Variants in STON2 observed in about 807,000 individuals in gnomAD.
STON2 encodes stonin 2, also known as stonin-2.
A neutral mutation model predicts 65.7 loss-of-function variants in STON2; 29 were observed. The observed-to-expected ratio is 0.44, with a 90% CI of 0.33 to 0.60. The LOEUF is 0.60. Ranked by LOEUF, STON2 falls within the 20% of genes least tolerant of loss-of-function variation. The pLI, the probability that STON2 is intolerant of heterozygous loss-of-function variation, is 0.03. For synonymous variants in STON2, 404 were observed against 414.2 expected, an observed-to-expected ratio of 0.98 and a Z score of 0.30; for missense variants, 1,054 against 1,118.1, an observed-to-expected ratio of 0.94 and a Z score of 0.82.
chr14:81,311,307 C>G (rs961154894), intron 5 of STON2, among the ~76,000 whole-genome samples: 13 of 152,176 alleles, frequency 8.5e-5, no homozygotes, highest in African/African-American at 3.1e-4. Context: ...TTGCTCTGCT[C>G]TGCTCTGCTC....
intron 4 of STON2, chr14:81,333,214 T>C (rs190122417): frequency 1.1e-5 from 11 of 964,312 alleles, no homozygotes; most frequent in South Asian, 6.4e-5. Flanking sequence ...TGTGGTCTTG[T>C]ACATTTTTGC....
At chr14:81,356,150 T>C (rs1024758182) in intron 4 of STON2, among the ~76,000 whole-genome samples, 1 of 152,242 alleles carries the variant, frequency 6.6e-6, no homozygotes, top group African/African-American at 2.4e-5. Flanking sequence ...GGGTTTGTCA[T>C]AGATAGCTCT....
chr14:81,335,729 A>T (rs1217712508), intron 4 of STON2, among the ~76,000 whole-genome samples: 1 of 152,192 alleles, frequency 6.6e-6, no homozygotes, highest in Non-Finnish European at 1.5e-5. Flanking sequence ...TCCTGCCAAA[A>T]TCTACACTTG....
chr14:81,284,498 G>GA (rs778564701), intron 5 of STON2, among the ~76,000 whole-genome samples: 3 of 152,082 alleles, frequency 2.0e-5, no homozygotes, highest in East Asian at 3.8e-4. Flanking sequence ...GGAAATTGCA[G>GA]AAAAAATAAA....
intron 4 of STON2, among the ~76,000 whole-genome samples, chr14:81,356,925 G>C (rs1898262954): frequency 1.3e-5 from 2 of 151,972 alleles, no homozygotes; most frequent in Admixed American, 6.6e-5. Flanking sequence ...CTTGCTAGCT[G>C]TCTATCAATT....
At chr14:81,348,964 A>G (rs1035895654) in intron 4 of STON2, among the ~76,000 whole-genome samples, 2 of 152,204 alleles carry the variant, frequency 1.3e-5, no homozygotes, top group African/African-American at 4.8e-5. Context: ...GACTTTCAAC[A>G]AAGGTGTTAA....
chr14:81,416,852 C>T (rs188295566), intron 2 of STON2, among the ~76,000 whole-genome samples: 40 of 152,250 alleles, frequency 2.6e-4, no homozygotes, highest in African/African-American at 8.9e-4. Context: ...CACACAAAAC[C>T]TTTATGTTTA....
Position 81,413,280 on chromosome 14 carries a change from C to T in STON2, c.-199+13822G>A, listed in dbSNP as rs766012877. ...CACCCACCAGTGGTCCATCCAAAAA[C>T]AAGGACTGCAGCCTAAATTCCAAAT... On this transcript the variant is annotated intron_variant, in intron 2 of 8. Transcript: ENST00000553821. 17 of 1,437,174 alleles carry T rather than the reference C, an allele frequency of 1.2e-5. 2 individuals carry two copies. The Admixed American group carries it at 2.2e-4, about 19-fold the overall frequency. The allele number at this position is 1,437,174 out of a possible 1,614,324, so 89.0% of individuals were successfully genotyped here.
rs1394505201 is a variant in STON2 at position 81,278,679 on chromosome 14, G to T, written c.803C>A (p.Ala268Asp). 6.6e-7 allele frequency: 1 copy of T among 1,526,330 alleles called. No homozygotes were observed. The highest frequency in any genetic ancestry group is 8.8e-7 in the Non-Finnish European group (1 of 1,139,308). 94.5% of individuals were successfully genotyped at this position (1,526,330 alleles called of 1,614,324 possible). The change falls in exon 6 of 8, where the codon GCC (alanine) becomes GAC (aspartate). Residue 268 changes from alanine (A) to aspartate (D), a missense_variant. Physicochemically the swap from Ala to Asp is moderately radical, Grantham distance 126. Coordinates refer to ENST00000614646, the MANE Select transcript of STON2 (RefSeq NM_001394390.1). ...EVEMEAISWQ[A>D]SSPAMNGHPA... ...GTGCCCATTCATGGCTGGACTGCTG[G>T]CCTGCCAGCTGATGGCCTCCATCTC...
chr14:81,423,072 G>T (rs138806193), intron 2 of STON2, among the ~76,000 whole-genome samples: 1 of 151,918 alleles, frequency 6.6e-6, no homozygotes, highest in African/African-American at 2.4e-5. Flanking sequence ...CAGCTTTCCA[G>T]CACTTGAAAA....
chr14:81,291,165 C>A (rs1895539924), intron 5 of STON2, among the ~76,000 whole-genome samples: 1 of 152,068 alleles, frequency 6.6e-6, no homozygotes, highest in African/African-American at 2.4e-5. Context: ...GTTATGATTT[C>A]CATGAATCCA....
chr14:81,322,284 G>C (rs896956949), intron 5 of STON2, among the ~76,000 whole-genome samples: 1 of 152,198 alleles, frequency 6.6e-6, no homozygotes, highest in Non-Finnish European at 1.5e-5. Flanking sequence ...ATGTACAAAT[G>C]CCTATGAGAG....
chr14:81,425,494 T>C (rs1901921434), intron 2 of STON2, among the ~76,000 whole-genome samples: 3 of 151,936 alleles, frequency 2.0e-5, no homozygotes, highest in African/African-American at 7.3e-5. Context: ...ATCACTTGAA[T>C]TCAGGAGGCA....
At chr14:81,386,505 A>G (rs1003258) in intron 3 of STON2, among the ~76,000 whole-genome samples, 31,123 of 152,160 alleles carry the variant, frequency 0.2, 4,058 homozygotes, top group East Asian at 0.44. Context: ...TCTGGTCCCA[A>G]ATAATTAGTT....
chr14:81,280,762 G>C (rs1895079671), intron 5 of STON2, among the ~76,000 whole-genome samples: 2 of 152,190 alleles, frequency 1.3e-5, no homozygotes. Context: ...TGTAATCGCA[G>C]CACTTTGGGA....
intron 2 of STON2, among the ~76,000 whole-genome samples, chr14:81,397,233 C>T (rs1411888597): frequency 3.3e-5 from 5 of 151,944 alleles, no homozygotes; most frequent in Admixed American, 3.3e-4. Flanking sequence ...CCAACCGGTC[C>T]ATCTGCAAGT....
At position 81,266,995 on chromosome 14, in the gene STON2, C is replaced by G. The variant is rs1239422958; in HGVS notation, c.*1419G>C. On this transcript the variant is annotated 3_prime_UTR_variant, in exon 8 of 8. Transcript: ENST00000614646. Reference sequence around the variant, plus strand: ...CTATTTCTATATCCCAGTGTCAATACACATTTAGACTCCAATGATTGTTCA... The same window carrying G: ...CTATTTCTATATCCCAGTGTCAATAGACATTTAGACTCCAATGATTGTTCA... The G allele has an allele frequency of 1.0e-6, 1 of 985,246 alleles. No homozygotes were observed. The highest frequency in any genetic ancestry group is 1.2e-6 in the Non-Finnish European group (1 of 829,882). The allele number at this position is 985,246 out of a possible 1,614,324, so 61.0% of individuals were successfully genotyped here. A position where few individuals can be genotyped will look rare whatever the true frequency, so the allele number is the denominator to read the frequency against.
chr14:81,306,919 T>C lies in STON2; in HGVS notation c.742+17098A>G, dbSNP rs760471017. On this transcript the variant is annotated intron_variant, in intron 5 of 7. Coordinates refer to ENST00000614646, the MANE Select transcript of STON2 (RefSeq NM_001394390.1). Reference sequence around the variant, plus strand: ...TTACTATCTTTTTTAGTTGGCACTATAGCAACAAGCACTGATTATTTAAAT... The same window carrying C: ...TTACTATCTTTTTTAGTTGGCACTACAGCAACAAGCACTGATTATTTAAAT... Among the ~76,000 whole-genome samples the C allele has an allele frequency of 8.5e-5, 13 of 152,336 alleles. 1 individual carries two copies. Among genetic ancestry groups the C allele is most frequent in the Admixed American group, 4.6e-4 (7 of 15,302 alleles).
intron 5 of STON2, among the ~76,000 whole-genome samples, chr14:81,312,563 T>TC (rs1896466000): frequency 1.3e-5 from 2 of 152,074 alleles, no homozygotes; most frequent in Admixed American, 1.3e-4. Context: ...TCAATCAACT[T>TC]CCCCCTAAGT....
Sources: allele counts gnomAD v4.1 joint callset (sites outside exome capture counted in the v4.1 genomes callset), GRCh38; gene constraint gnomAD v4.1.1; transcripts MANE v1.5; gene names NCBI Gene and HGNC (gene_info 2026-07-23, HGNC 2026-07-21).